GPR158: variants seen among roughly 807,000 people sequenced by gnomAD.
The protein encoded by GPR158 is G protein-coupled receptor 158, also known as metabotropic glycine receptor.
Under a neutral mutation model 78.2 loss-of-function variants are expected in GPR158, and 30 were observed. The observed-to-expected ratio is 0.38, with a 90% confidence interval of 0.29 to 0.52. The LOEUF is 0.52. Ranked by LOEUF, GPR158 falls within the 20% of genes least tolerant of loss-of-function variation. The probability of loss-of-function intolerance (pLI) is 0.83; values close to 1 mark genes in which losing one functional copy is unlikely to be tolerated. For synonymous variants in GPR158, 581 were observed against 591.1 expected (o/e 0.98, Z 0.25); for missense variants, 1,463 against 1,523.5 (o/e 0.96, Z 0.66).
chr10:25,211,151 A>C (rs544897922), intron 1 of GPR158, among the ~76,000 whole-genome samples: 1 of 152,174 alleles, frequency 6.6e-6, no homozygotes, highest in Non-Finnish European at 1.5e-5. Flanking sequence ...AAAAAAAAAA[A>C]AACAGAATTT....
At chr10:25,255,718 T>A (rs1853881181) in intron 2 of GPR158, among the ~76,000 whole-genome samples, 2 of 152,174 alleles carry the variant, frequency 1.3e-5, no homozygotes, top group African/African-American at 2.4e-5. Context: ...ACCAGGAGAA[T>A]TTTTTTCATT....
chr10:25,568,958 C>A lies in GPR158; in HGVS notation c.1515-3691C>A, dbSNP rs143751692. 5.1e-4 allele frequency among the ~76,000 whole-genome samples: 78 copies of A among 152,284 alleles called. 1 individual carries two copies. Among genetic ancestry groups the A allele is most frequent in the African/African-American group, 1.6e-3 (66 of 41,562 alleles). ...TTTTTTTCTACAGTTGTATTTCATA[C>A]AAATGCATGTCTACATATTCTTTTT... On this transcript the variant is annotated intron_variant, in intron 6 of 10. Transcript: ENST00000376351.
intron 6 of GPR158, among the ~76,000 whole-genome samples, chr10:25,560,772 T>C (rs1300837151): frequency 6.6e-6 from 1 of 152,188 alleles, no homozygotes; most frequent in Non-Finnish European, 1.5e-5. Context: ...TATAATAGTA[T>C]GCTAAAGAGG....
intron 7 of GPR158, among the ~76,000 whole-genome samples, chr10:25,577,062 G>T (rs16926124): frequency 0.076 from 11,542 of 151,366 alleles, 559 homozygotes; most frequent in African/African-American, 0.14. Flanking sequence ...TGTGGCTGTT[G>T]TAATTATTTT....
intron 1 of GPR158, among the ~76,000 whole-genome samples, chr10:25,188,581 C>T (rs756139556): frequency 4.3e-4 from 65 of 152,064 alleles, no homozygotes; most frequent in Non-Finnish European, 6.3e-4. Context: ...GCTAGCCATA[C>T]ATAGAAAGCT....
At chr10:25,250,051 G>A (rs1456337127) in intron 2 of GPR158, among the ~76,000 whole-genome samples, 1 of 145,164 alleles carries the variant, frequency 6.9e-6, no homozygotes, top group East Asian at 2.0e-4. Context: ...GAGAGTGTAT[G>A]TGTCAAGGAA....
chr10:25,441,930 C>A (rs1251447651), intron 4 of GPR158, among the ~76,000 whole-genome samples: 2 of 152,086 alleles, frequency 1.3e-5, no homozygotes, highest in African/African-American at 2.4e-5. Flanking sequence ...ATTTCAGAGA[C>A]AATGGAACGT....
At position 25,597,816 on chromosome 10, in the gene GPR158, AAAG is replaced by A. The variant is rs1837428845; in HGVS notation, c.2195_2197del (p.Lys732del). ...ATGCCCAACTGGAAATATATAAAAGAAAGAAGATGATCACAAACAACCCCCACC... is the reference window on the plus strand; with the variant it reads ...ATGCCCAACTGGAAATATATAAAAGAAAGATGATCACAAACAACCCCCACC... On this transcript the variant is annotated inframe_deletion, in exon 11 of 11. Coordinates refer to ENST00000376351, the MANE Select transcript of GPR158 (RefSeq NM_020752.3). 2.0e-6 allele frequency: 3 copies of A among 1,520,018 alleles called. No individual in the cohort carries two copies. Among genetic ancestry groups the A allele is most frequent in the Non-Finnish European group, 2.6e-6 (3 of 1,136,566 alleles). The allele number at this position is 1,520,018 out of a possible 1,614,324, so 94.2% of individuals were successfully genotyped here.
intron 1 of GPR158, among the ~76,000 whole-genome samples, chr10:25,178,812 T>C (rs1188285985): frequency 6.6e-6 from 1 of 152,192 alleles, no homozygotes; most frequent in African/African-American, 2.4e-5. Flanking sequence ...TGTTGTCTCA[T>C]AGATGAAGAA....
chr10:25,521,712 G>A (rs760151535), intron 5 of GPR158, among the ~76,000 whole-genome samples: 2 of 152,174 alleles, frequency 1.3e-5, no homozygotes, highest in African/African-American at 2.4e-5. Flanking sequence ...AACATGGAAC[G>A]CTTCATGAAT....
intron 2 of GPR158, among the ~76,000 whole-genome samples, chr10:25,274,539 T>C (rs1043649934): frequency 6.6e-6 from 1 of 152,204 alleles, no homozygotes; most frequent in Non-Finnish European, 1.5e-5. Flanking sequence ...TAAATACATA[T>C]AGACTATCAT....
intron 2 of GPR158, among the ~76,000 whole-genome samples, chr10:25,360,535 G>T (rs71495442): frequency 6.6e-6 from 1 of 151,120 alleles, no homozygotes; most frequent in Non-Finnish European, 1.5e-5. Flanking sequence ...TGTTTTTGTC[G>T]GGTTTGTCAA....
In GPR158 at chr10:25,598,422, GA is replaced by G; in HGVS notation, c.2799del (p.Lys933AsnfsTer44). 6.2e-7 allele frequency: 1 copy of G among 1,614,074 alleles called. No homozygotes were observed. The highest frequency in any genetic ancestry group is 8.5e-7 in the Non-Finnish European group (1 of 1,180,016). On this transcript the variant is annotated frameshift_variant, in exon 11 of 11. Coordinates refer to ENST00000376351, the MANE Select transcript of GPR158 (RefSeq NM_020752.3). LOFTEE classifies it low-confidence loss of function (END_TRUNC). ...GTGTGGAAGAACGCACTAAATCCCA[GA>G]AACCTTTGCCAAAAGATAAAGAGAC... Reference protein sequence around the residue: ...AGVEERTKSQKPLPKDKETNR... With the variant: ...AGVEERTKSQXPLPKDKETNR...
At chr10:25,557,425 C>A (rs537039550) in intron 6 of GPR158, among the ~76,000 whole-genome samples, 10 of 152,254 alleles carry the variant, frequency 6.6e-5, no homozygotes, top group Non-Finnish European at 1.5e-4. Context: ...CCCCAGAAAC[C>A]ATGAAAACAA....
chr10:25,219,639 T>C (rs556441176), intron 1 of GPR158, among the ~76,000 whole-genome samples: 76 of 152,202 alleles, frequency 5.0e-4, no homozygotes, highest in Non-Finnish European at 9.6e-4. Flanking sequence ...GTTTTGAGCA[T>C]GTAGGCACTA....
At chr10:25,181,313 A>G (rs1852608944) in intron 1 of GPR158, among the ~76,000 whole-genome samples, 1 of 152,226 alleles carries the variant, frequency 6.6e-6, no homozygotes, top group Admixed American at 6.5e-5. Context: ...TTCTGTAAAA[A>G]CTAAATGAAG....
chr10:25,595,981 A>G lies in GPR158; in HGVS notation c.1999-662A>G, dbSNP rs74126250. ...TATATCCTTAGAATAAGAGAAATGA[A>G]CAGATAAAATCCTGTATTCTCATGG... On this transcript the variant is annotated intron_variant, in intron 9 of 10. Coordinates refer to ENST00000376351, the MANE Select transcript of GPR158 (RefSeq NM_020752.3). 5.4e-3 allele frequency among the ~76,000 whole-genome samples: 825 copies of G among 152,338 alleles called. 11 individuals are homozygous for G. Among genetic ancestry groups the G allele is most frequent in the African/African-American group, 0.019 (779 of 41,568 alleles).
intron 3 of GPR158, among the ~76,000 whole-genome samples, chr10:25,398,219 A>T (rs946737290): frequency 2.0e-5 from 3 of 152,202 alleles, no homozygotes; most frequent in Admixed American, 2.0e-4. Flanking sequence ...CAATAGAAAC[A>T]GGGAAATAAT....
intron 5 of GPR158, among the ~76,000 whole-genome samples, chr10:25,538,462 C>CAT (rs956626095): frequency 6.6e-6 from 1 of 152,038 alleles, no homozygotes; most frequent in African/African-American, 2.4e-5. Flanking sequence ...TATGTATGTA[C>CAT]ATATATATAC....
Sources: allele counts gnomAD v4.1 joint callset (sites outside exome capture counted in the v4.1 genomes callset), GRCh38; gene constraint gnomAD v4.1.1; transcripts MANE v1.5; gene names NCBI Gene and HGNC (gene_info 2026-07-23, HGNC 2026-07-21).